The following OR2A7 variants were observed in gnomAD, a reference collection of about 807,000 sequenced individuals.
OR2A7 encodes olfactory receptor family 2 subfamily A member 7.
For missense variants in OR2A7, 35 were observed against 359.2 expected (o/e 0.10, Z 7.30); for synonymous variants, 10 against 147.1 (o/e 0.07, Z 6.74).
intron 1 of OR2A7, among the ~76,000 whole-genome samples, chr7:144,260,844 T>G (rs1162540705): frequency 6.7e-6 from 1 of 149,998 alleles, no homozygotes; most frequent in Non-Finnish European, 1.5e-5. Context: ...TTGGCAATAG[T>G]TCGATGAATT....
intron 1 of OR2A7, among the ~76,000 whole-genome samples, chr7:144,261,919 C>G (rs1369528030): frequency 6.6e-6 from 1 of 151,946 alleles, no homozygotes; most frequent in Non-Finnish European, 1.5e-5. Flanking sequence ...AAAAGGCAAA[C>G]ATTTCTACAG....
chr7:144,257,699 G>T lies in OR2A7; in HGVS notation c.*997C>A. 7.0e-6 allele frequency: 1 copy of T among 142,596 alleles called. No individual in the cohort carries two copies. Among genetic ancestry groups the T allele is most frequent in the Non-Finnish European group, 1.5e-5 (1 of 65,530 alleles). The allele number at this position is 142,596 out of a possible 1,614,324, so 8.8% of individuals were successfully genotyped here. ...TAAGAAGCTGCTACAACTTTTAAGTGTGTAGGTGGTGGATTTTGAAATCTT... is the reference window on the plus strand; with the variant it reads ...TAAGAAGCTGCTACAACTTTTAAGTTTGTAGGTGGTGGATTTTGAAATCTT... On this transcript the variant is annotated 3_prime_UTR_variant, in exon 2 of 2. Transcript: ENST00000641841.
rs1164561470 is a variant in OR2A7, at chr7:144,259,617, A to G, written c.12T>C (p.Asn4=). 1 of 1,612,920 alleles carries G rather than the reference A, an allele frequency of 6.2e-7. No individual in the cohort carries two copies. The highest frequency in any genetic ancestry group is 1.7e-5 in the Admixed American group (1 of 59,408). Residue 4 remains asparagine, a synonymous_variant, in exon 2 of 2, where the codon AAT becomes AAC. Coordinates refer to ENST00000641841, the MANE Select transcript of OR2A7 (RefSeq NM_001005328.2). Reference sequence around the variant, plus strand: ...GGAGGAACTCTGTGATGGATGTTATATTGTCCCCCATATCCCTATGACAGA... The same window carrying G: ...GGAGGAACTCTGTGATGGATGTTATGTTGTCCCCCATATCCCTATGACAGA... MGD[N]ITSITEFLLL...
chr7:144,259,496 G>T lies in OR2A7; in HGVS notation c.133C>A (p.Leu45Met), dbSNP rs2052611738. ...CTGGAGTCCAGTGAGATGAGCCCCA[G>T]TATGGTCCCGTTCCCCAGCAGGGTG... The part of the protein sequence containing the change: ...VFTLLGNGTI[L>M]GLISLDSRLH... The change falls in exon 2 of 2, where the codon CTG (leucine) becomes ATG (methionine). Residue 45 changes from leucine (L) to methionine (M), a missense_variant. By Grantham distance (15) the Leu-to-Met change is conservative. Transcript: ENST00000641841. 6.3e-7 allele frequency: 1 copy of T among 1,583,022 alleles called. No individual in the cohort carries two copies. The highest frequency in any genetic ancestry group is 8.6e-7 in the Non-Finnish European group (1 of 1,158,482).
At chr7:144,264,406 T>G (rs1563088777) in intron 1 of OR2A7, among the ~76,000 whole-genome samples, 2 of 151,104 alleles carry the variant, frequency 1.3e-5, no homozygotes. Flanking sequence ...ATTATAGGTG[T>G]GCAACATCAT....
intron 1 of OR2A7, 83 bp downstream of exon 1, chr7:144,264,618 C>G (rs1469359870): frequency 1.3e-5 from 2 of 151,618 alleles, no homozygotes; most frequent in African/African-American, 4.8e-5. Context: ...AACTGCTAAA[C>G]AGTCTCAGGC....
intron 1 of OR2A7, among the ~76,000 whole-genome samples, chr7:144,264,460 C>T (rs1159511438): frequency 6.6e-6 from 1 of 151,890 alleles, no homozygotes; most frequent in Non-Finnish European, 1.5e-5. Context: ...GGGGTTTCAC[C>T]ATGTTGGTCA....
intron 1 of OR2A7, among the ~76,000 whole-genome samples, chr7:144,260,596 T>C (rs1235385242): frequency 2.0e-5 from 3 of 151,974 alleles, no homozygotes; most frequent in Non-Finnish European, 4.4e-5. Context: ...CCACAGCAAA[T>C]ATCTCACAAA....
At chr7:144,262,700 A>T in intron 1 of OR2A7, among the ~76,000 whole-genome samples, 1 of 90,000 alleles carries the variant, frequency 1.1e-5, no homozygotes, top group African/African-American at 4.0e-5. Flanking sequence ...ACTTTTGAAA[A>T]TTTTCTTTTT....
At chr7:144,261,501 GA>G (rs1403931782) in intron 1 of OR2A7, among the ~76,000 whole-genome samples, 479 of 149,364 alleles carry the variant, frequency 3.2e-3, no homozygotes, top group African/African-American at 9.1e-3. Context: ...GTAATTATAT[GA>G]AAAAAAAATT....
chr7:144,259,898 A>G (rs1199718764), intron 1 of OR2A7, among the ~76,000 whole-genome samples: 2 of 138,280 alleles, frequency 1.4e-5, no homozygotes, highest in Non-Finnish European at 3.2e-5. Context: ...GCCTGAGCTC[A>G]GGAGTTCGAG....
chr7:144,264,298 T>C (rs2052676088), intron 1 of OR2A7, among the ~76,000 whole-genome samples: 1 of 151,576 alleles, frequency 6.6e-6, no homozygotes, highest in African/African-American at 2.4e-5. Flanking sequence ...CTTGTTCTGT[T>C]GCCCAGGCTG....
At position 144,260,743 on chromosome 7, in the gene OR2A7, G is replaced by A. The variant is rs1379653652; in HGVS notation, c.-4-1111C>T. ...TTGCACCGTGTCATTATCTAAACACGAAAACAGGATCAGTAACTTTTGTTG... is the reference window on the plus strand; with the variant it reads ...TTGCACCGTGTCATTATCTAAACACAAAAACAGGATCAGTAACTTTTGTTG... On this transcript the variant is annotated intron_variant, in intron 1 of 1. Transcript: ENST00000641841. 4.0e-5 allele frequency among the ~76,000 whole-genome samples: 6 copies of A among 151,758 alleles called. 1 individual carries two copies. Among genetic ancestry groups the A allele is most frequent in the African/African-American group, 1.5e-4 (6 of 41,298 alleles).
chr7:144,259,604 T>G lies in OR2A7; in HGVS notation c.25A>C (p.Thr9Pro). The G allele has an allele frequency of 6.2e-7, 1 of 1,612,920 alleles. No individual in the cohort carries two copies. Among genetic ancestry groups the G allele is most frequent in the Non-Finnish European group, 8.5e-7 (1 of 1,179,858 alleles). Residue 9 changes from threonine to proline, a missense_variant, in exon 2 of 2, where the codon ACA (threonine) becomes CCA (proline). Transcript: ENST00000641841. ...GGAAATCCCAGTAGGAGGAACTCTG[T>G]GATGGATGTTATATTGTCCCCCATA... MGDNITSI[T>P]EFLLLGFPVG...
intron 1 of OR2A7, among the ~76,000 whole-genome samples, chr7:144,261,235 A>G (rs2052642702): frequency 6.6e-6 from 1 of 151,766 alleles, no homozygotes; most frequent in Non-Finnish European, 1.5e-5. Flanking sequence ...GCTCCTAATC[A>G]TCGCTCAGAT....
rs564734787 is a variant in OR2A7 at position 144,260,402 on chromosome 7, A to G, written c.-4-770T>C. On this transcript the variant is annotated intron_variant, in intron 1 of 1. Transcript: ENST00000641841. ...GTATTATTCAGAGTTTTTCTCTGCT[A>G]TGTTTCAGAAACAATGAACACTAAC... Among the ~76,000 whole-genome samples the G allele has an allele frequency of 4.0e-5, 6 of 151,456 alleles. No homozygotes were observed. In the South Asian group the frequency reaches 1.3e-3, roughly 32 times the overall value.
chr7:144,260,121 A>AAC (rs1471805241), intron 1 of OR2A7, among the ~76,000 whole-genome samples: 1 of 131,588 alleles, frequency 7.6e-6, no homozygotes. Context: ...GAAAAAAAAA[A>AAC]AAAAAAAAAG....
chr7:144,264,558 G>A (rs1320636044), intron 1 of OR2A7, 143 bp downstream of exon 1: 3 of 152,026 alleles, frequency 2.0e-5, no homozygotes, highest in East Asian at 3.8e-4. Flanking sequence ...ACTGTGCCTG[G>A]CCTTTGTCAT....
intron 1 of OR2A7, 88 bp downstream of exon 1, chr7:144,264,613 C>T (rs1209419725): frequency 6.6e-6 from 1 of 151,666 alleles, no homozygotes; most frequent in African/African-American, 2.4e-5. Flanking sequence ...AAGTTAACTG[C>T]TAAACAGTCT....
Sources: allele counts gnomAD v4.1 joint callset (sites outside exome capture counted in the v4.1 genomes callset), GRCh38; gene constraint gnomAD v4.1.1; transcripts MANE v1.5; gene names NCBI Gene and HGNC (gene_info 2026-07-23, HGNC 2026-07-21).